Variants in THRB observed in about 807,000 individuals in gnomAD.
THRB encodes the protein thyroid hormone receptor beta.
A neutral mutation model predicts 47.8 loss-of-function variants in THRB; 12 were observed. The observed-to-expected ratio is 0.25, with a 90% CI of 0.16 to 0.41. THRB has a LOEUF of 0.41. Among genes scored for constraint, THRB ranks in the 10% least tolerant of loss-of-function variants. The pLI, the probability that THRB is intolerant of heterozygous loss-of-function variation, is 1.00. For missense variants in THRB, 348 were observed against 589.2 expected (o/e 0.59, Z 4.24); for synonymous variants, 218 against 212.2 (o/e 1.03, Z -0.24).
At chr3:24,396,179 AT>A (rs1305051324) in intron 1 of THRB, among the ~76,000 whole-genome samples, 1 of 151,908 alleles carries the variant, frequency 6.6e-6, no homozygotes, top group Non-Finnish European at 1.5e-5. Context: ...GCATATATAT[AT>A]TTTTTCTATA....
intron 1 of THRB, among the ~76,000 whole-genome samples, chr3:24,405,215 G>T (rs1294556801): frequency 6.6e-6 from 1 of 151,928 alleles, no homozygotes; most frequent in Non-Finnish European, 1.5e-5. Flanking sequence ...AGTGTATCTG[G>T]AATATAGGCA....
intron 5 of THRB, among the ~76,000 whole-genome samples, chr3:24,175,396 T>G (rs1201489824): frequency 6.6e-6 from 1 of 152,222 alleles, no homozygotes; most frequent in Non-Finnish European, 1.5e-5. Context: ...CTGACTGATA[T>G]TTCCCAAGAA....
At chr3:24,244,163 G>T (rs1423197441) in intron 3 of THRB, among the ~76,000 whole-genome samples, 2 of 152,086 alleles carry the variant, frequency 1.3e-5, no homozygotes, top group Non-Finnish European at 2.9e-5. Context: ...TATCCTGAAA[G>T]GAGACTGTGG....
intron 2 of THRB, among the ~76,000 whole-genome samples, chr3:24,335,013 A>G (rs967064186): frequency 7.9e-5 from 12 of 152,226 alleles, no homozygotes; most frequent in African/African-American, 2.9e-4. Flanking sequence ...AGAGAAGCCC[A>G]ATACCTAAAC....
intron 1 of THRB, among the ~76,000 whole-genome samples, chr3:24,407,045 G>T (rs896148909): frequency 2.0e-5 from 3 of 151,772 alleles, no homozygotes; most frequent in African/African-American, 7.3e-5. Context: ...TCAACTTCTG[G>T]GGCATGGCCA....
intron 1 of THRB, among the ~76,000 whole-genome samples, chr3:24,345,325 C>G (rs2062942361): frequency 6.6e-6 from 1 of 152,054 alleles, no homozygotes. Context: ...GATCGCCAAA[C>G]AAAGCATGGC....
At chr3:24,217,813 T>TA (rs2046731552) in intron 4 of THRB, among the ~76,000 whole-genome samples, 2 of 152,206 alleles carry the variant, frequency 1.3e-5, no homozygotes, top group African/African-American at 2.4e-5. Context: ...TGATGCCTGT[T>TA]AAAAAATTAA....
In THRB at chr3:24,444,759, A is replaced by G. The variant is rs556507703; in HGVS notation, c.-261+49893T>C. 2.6e-5 allele frequency among the ~76,000 whole-genome samples: 4 copies of G among 152,060 alleles called. No individual in the cohort carries two copies. In the East Asian group the frequency reaches 7.8e-4, roughly 29 times the overall value. ...TGCCACCATGCCTGGCTAATTTTGTATTTTTAGTGGAGATGGGGTTTCACC... is the reference window on the plus strand; with the variant it reads ...TGCCACCATGCCTGGCTAATTTTGTGTTTTTAGTGGAGATGGGGTTTCACC... On this transcript the variant is annotated intron_variant, in intron 1 of 10. Coordinates refer to ENST00000646209, the MANE Select transcript of THRB (RefSeq NM_001354712.2).
At chr3:24,279,127 G>A (rs555347550) in intron 3 of THRB, among the ~76,000 whole-genome samples, 6 of 152,272 alleles carry the variant, frequency 3.9e-5, no homozygotes, top group Admixed American at 1.3e-4. Flanking sequence ...TTACAGGTAT[G>A]AACCTCTATG....
chr3:24,455,814 C>G (rs111691577), intron 1 of THRB, among the ~76,000 whole-genome samples: 9 of 152,274 alleles, frequency 5.9e-5, no homozygotes, highest in African/African-American at 2.2e-4. Context: ...TTTCGTCTGG[C>G]TGATGACAAG....
chr3:24,315,596 C>T (rs1444400927), intron 2 of THRB, among the ~76,000 whole-genome samples: 1 of 152,182 alleles, frequency 6.6e-6, no homozygotes, highest in Non-Finnish European at 1.5e-5. Context: ...AGTATTGCAG[C>T]AGGAAGATGA....
intron 4 of THRB, among the ~76,000 whole-genome samples, chr3:24,224,246 TG>T (rs1173368287): frequency 6.6e-6 from 1 of 152,228 alleles, no homozygotes; most frequent in Non-Finnish European, 1.5e-5. Flanking sequence ...CATGTCAATA[TG>T]TAATAAATAT....
chr3:24,406,884 T>G (rs2067869230), intron 1 of THRB, among the ~76,000 whole-genome samples: 1 of 151,858 alleles, frequency 6.6e-6, no homozygotes, highest in Non-Finnish European at 1.5e-5. Context: ...CATCCAACCA[T>G]CTACATAACA....
intron 3 of THRB, among the ~76,000 whole-genome samples, chr3:24,234,260 T>G (rs1030002233): frequency 9.9e-5 from 15 of 152,184 alleles, no homozygotes; most frequent in African/African-American, 2.7e-4. Context: ...TTCAGAGGGT[T>G]CACAGATACT....
intron 1 of THRB, among the ~76,000 whole-genome samples, chr3:24,353,316 G>A (rs2063475510): frequency 6.6e-6 from 1 of 152,056 alleles, no homozygotes; most frequent in South Asian, 2.1e-4. Flanking sequence ...GCCATGAATT[G>A]CTTGGTGTAG....
intron 10 of THRB, among the ~76,000 whole-genome samples, chr3:24,126,289 G>A (rs1443367898): frequency 6.6e-6 from 1 of 151,904 alleles, no homozygotes; most frequent in Non-Finnish European, 1.5e-5. Flanking sequence ...GCTGAGGCAG[G>A]AGAATCTCCT....
intron 2 of THRB, among the ~76,000 whole-genome samples, chr3:24,312,756 A>G (rs1294652002): frequency 6.6e-6 from 1 of 152,180 alleles, no homozygotes; most frequent in Admixed American, 6.5e-5. Flanking sequence ...GGGCCACATC[A>G]CACAGGGCCT....
At chr3:24,434,426 A>C (rs143061436) in intron 1 of THRB, among the ~76,000 whole-genome samples, 1 of 152,000 alleles carries the variant, frequency 6.6e-6, no homozygotes, top group Non-Finnish European at 1.5e-5. Flanking sequence ...ATAACAGTAC[A>C]TAGGAATCAA....
chr3:24,336,867 G>T (rs547485349), intron 2 of THRB, among the ~76,000 whole-genome samples: 1 of 151,872 alleles, frequency 6.6e-6, no homozygotes, highest in Non-Finnish European at 1.5e-5. Flanking sequence ...GACTACAGGC[G>T]CCCACCACCA....
Sources: gnomAD v4.1 joint callset for allele counts (sites outside exome capture counted in the v4.1 genomes callset) on GRCh38, gnomAD v4.1.1 for gene constraint, MANE v1.5 for transcripts, NCBI Gene and HGNC (gene_info 2026-07-23, HGNC 2026-07-21) for gene names.